The following LGR5 variants were observed in gnomAD, a reference collection of about 807,000 sequenced individuals.
LGR5 encodes the protein leucine rich repeat containing G protein-coupled receptor 5.
A neutral mutation model predicts 76.7 loss-of-function variants in LGR5; 54 were observed. That is an observed-to-expected ratio of 0.70 (90% CI 0.57 to 0.88). The LOEUF is 0.88. Ranked by LOEUF, LGR5 falls within the 40% of genes least tolerant of loss-of-function variation. The pLI is 0.00. For synonymous variants in LGR5, 406 were observed against 421.9 expected (o/e 0.96, Z 0.46); for missense variants, 1,078 against 1,073.3 (o/e 1.00, Z -0.06).
intron 1 of LGR5, among the ~76,000 whole-genome samples, chr12:71,458,005 G>A (rs1872553123): frequency 6.6e-6 from 1 of 152,098 alleles, no homozygotes; most frequent in Non-Finnish European, 1.5e-5. Flanking sequence ...ACCAACTTCA[G>A]TAGTGCCGCC....
chr12:71,467,401 G>A (rs982845331), intron 1 of LGR5, among the ~76,000 whole-genome samples: 1 of 152,090 alleles, frequency 6.6e-6, no homozygotes. Context: ...GAAGAACTGG[G>A]GACATAATAA....
At chr12:71,581,892 G>A (rs979053102) in intron 16 of LGR5, among the ~76,000 whole-genome samples, 2 of 152,170 alleles carry the variant, frequency 1.3e-5, no homozygotes, top group African/African-American at 4.8e-5. Flanking sequence ...ATTCCCACAT[G>A]AGACCAATTA....
intron 2 of LGR5, among the ~76,000 whole-genome samples, chr12:71,520,971 C>T (rs958890840): frequency 1.3e-5 from 2 of 152,096 alleles, no homozygotes; most frequent in Non-Finnish European, 2.9e-5. Context: ...TATTGTTTCA[C>T]GTATATTTTA....
intron 2 of LGR5, among the ~76,000 whole-genome samples, chr12:71,520,184 G>A (rs1875657156): frequency 6.6e-6 from 1 of 152,136 alleles, no homozygotes; most frequent in African/African-American, 2.4e-5. Context: ...TAAACAAAAT[G>A]CAGTATATAC....
intron 1 of LGR5, among the ~76,000 whole-genome samples, chr12:71,486,065 A>G (rs1873812229): frequency 6.6e-6 from 1 of 152,174 alleles, no homozygotes; most frequent in East Asian, 1.9e-4. Flanking sequence ...CGCCAGGCCA[A>G]TTAAGGCTGC....
At chr12:71,495,377 G>A (rs754734289) in intron 1 of LGR5, among the ~76,000 whole-genome samples, 2 of 151,208 alleles carry the variant, frequency 1.3e-5, no homozygotes, top group Non-Finnish European at 2.9e-5. Flanking sequence ...ATTGACTAGA[G>A]TTAAGTTTAA....
At chr12:71,524,076 A>G (rs1875858107) in intron 2 of LGR5, among the ~76,000 whole-genome samples, 3 of 152,218 alleles carry the variant, frequency 2.0e-5, no homozygotes, top group Admixed American at 2.0e-4. Context: ...ACATTTTGAC[A>G]TTACAATTTT....
chr12:71,566,323 TG>T, intron 8 of LGR5, 80 bp from the exon 9 acceptor site: 2 of 854,882 alleles, frequency 2.3e-6, no homozygotes, highest in Non-Finnish European at 3.8e-6. Context: ...GTACATTTAC[TG>T]TATTTGTTCA....
At chr12:71,464,569 C>CA (rs1475276502) in intron 1 of LGR5, among the ~76,000 whole-genome samples, 2 of 151,570 alleles carry the variant, frequency 1.3e-5, no homozygotes, top group East Asian at 1.9e-4. Flanking sequence ...TTGAAAGAGA[C>CA]AAAAAAATGA....
rs1339498740 is a variant in LGR5, at chr12:71,523,776, G to C, written c.285-630G>C. 2.0e-5 allele frequency among the ~76,000 whole-genome samples: 3 copies of C among 152,162 alleles called. No homozygotes were observed. In the East Asian group the frequency reaches 5.8e-4, roughly 29 times the overall value. ...AAAGTAAACTTCTAAAATTTTACCA[G>C]TTAATAATGTCAGAATTTTCCATTA... is the stretch of plus-strand genomic sequence containing the variant. On this transcript the variant is annotated intron_variant, in intron 2 of 17. Coordinates refer to ENST00000266674, the MANE Select transcript of LGR5 (RefSeq NM_003667.4).
At chr12:71,445,362 T>C (rs930686996) in intron 1 of LGR5, among the ~76,000 whole-genome samples, 1 of 152,202 alleles carries the variant, frequency 6.6e-6, no homozygotes, top group Non-Finnish European at 1.5e-5. Context: ...CTAGTCCTGT[T>C]GCTATTTTTG....
chr12:71,577,925 G>A lies in LGR5; in HGVS notation c.1209G>A (p.Leu403=). ...TFQQLLSLRS[L]NLAWNKIAII... is the part of the protein sequence containing the mutation. The stretch of plus-strand genomic sequence containing the variant: ...TCTCATTTGCCTTTTTTTACAATAG[G>A]AATTTGGCTTGGAACAAAATTGCTA... The change falls in exon 14 of 18, where the codon CTG becomes CTA. Residue 403 remains leucine (L), a splice_region_variant and synonymous_variant. Coordinates refer to ENST00000266674, the MANE Select transcript of LGR5 (RefSeq NM_003667.4). 6.2e-7 allele frequency: 1 copy of A among 1,608,580 alleles called. No individual in the cohort carries two copies. The highest frequency in any genetic ancestry group is 1.3e-5 in the African/African-American group (1 of 74,850).
At position 71,580,266 on chromosome 12, in the gene LGR5, G is replaced by A. The variant is rs757773253; in HGVS notation, c.1407-12G>A. 7.6e-6 allele frequency: 12 copies of A among 1,586,770 alleles called. No homozygotes were observed. In the East Asian group the frequency reaches 2.3e-4, roughly 30 times the overall value. ...TTTAAGTGTTTTTTGTTTGGGTTTT[G>A]TTCATTTAAAGGGTTATAGAAATGC... is the stretch of plus-strand genomic sequence containing the variant. On this transcript the variant is annotated splice_polypyrimidine_tract_variant and intron_variant, in intron 15 of 17. Transcript: ENST00000266674.
chr12:71,561,864 T>A lies in LGR5; in HGVS notation c.857+12T>A. On this transcript the variant is annotated intron_variant, in intron 8 of 17. Coordinates refer to ENST00000266674, the MANE Select transcript of LGR5 (RefSeq NM_003667.4). Reference sequence around the variant, plus strand: ...TCTCTTATTACAATGTAAGTGACCATAATGCTTTTCGGTTTCTCCATCCTG... The same window carrying A: ...TCTCTTATTACAATGTAAGTGACCAAAATGCTTTTCGGTTTCTCCATCCTG... 1 of 1,530,546 alleles carries A rather than the reference T, an allele frequency of 6.5e-7. No individual in the cohort carries two copies. Among genetic ancestry groups the A allele is most frequent in the Non-Finnish European group, 9.0e-7 (1 of 1,110,956 alleles). The allele number at this position is 1,530,546 out of a possible 1,614,324, so 94.8% of individuals were successfully genotyped here.
rs142000411 is a variant in LGR5 at position 71,513,913 on chromosome 12, T to C, written c.284+9228T>C. Reference sequence around the variant, plus strand: ...AACAAGATCAAACGATCAATAAATATCAGTTGAGCTCCATACTCTGTGCAT... The same window carrying C: ...AACAAGATCAAACGATCAATAAATACCAGTTGAGCTCCATACTCTGTGCAT... On this transcript the variant is annotated intron_variant, in intron 2 of 17. Coordinates refer to ENST00000266674, the MANE Select transcript of LGR5 (RefSeq NM_003667.4). Among the ~76,000 whole-genome samples the C allele has an allele frequency of 7.5e-3, 1,135 of 152,182 alleles. 12 individuals are homozygous for C. Among genetic ancestry groups the C allele is most frequent in the African/African-American group, 0.025 (1,058 of 41,520 alleles).
intron 4 of LGR5, among the ~76,000 whole-genome samples, chr12:71,537,732 A>G (rs565566772): frequency 1.3e-5 from 2 of 152,252 alleles, no homozygotes; most frequent in East Asian, 3.9e-4. Context: ...ATCATTACAA[A>G]CATGCATTCC....
At position 71,582,506 on chromosome 12, in the gene LGR5, G is replaced by C. The variant is rs1378560579; in HGVS notation, c.1603G>C (p.Ala535Pro). 10 of 1,613,962 alleles carry C rather than the reference G, an allele frequency of 6.2e-6. No homozygotes were observed. Among genetic ancestry groups the C allele is most frequent in the African/African-American group, 2.7e-5 (2 of 74,904 alleles). ...GCTTGACTTTGAGGAAGACCTGAAAGCCCTTCATTCAGTGCAGTGTTCACC... is the reference window on the plus strand; with the variant it reads ...GCTTGACTTTGAGGAAGACCTGAAACCCCTTCATTCAGTGCAGTGTTCACC... ...FLLDFEEDLK[A>P]LHSVQCSPSP... is the part of the protein sequence containing the mutation. Residue 535 changes from alanine (A) to proline (P), a missense_variant, in exon 17 of 18, where the codon GCC (alanine) becomes CCC (proline). Physicochemically the swap from Ala to Pro is conservative, Grantham distance 27. Coordinates refer to ENST00000266674, the MANE Select transcript of LGR5 (RefSeq NM_003667.4).
At chr12:71,579,708 G>A (rs1442582020) in intron 15 of LGR5, among the ~76,000 whole-genome samples, 1 of 152,092 alleles carries the variant, frequency 6.6e-6, no homozygotes, top group Non-Finnish European at 1.5e-5. Context: ...CAGTCACCCT[G>A]TTGTGCTATT....
intron 2 of LGR5, among the ~76,000 whole-genome samples, chr12:71,516,208 C>T (rs10784922): frequency 0.87 from 131,974 of 152,084 alleles, 57,366 homozygotes; most frequent in East Asian, 0.97. Context: ...ATGAAAGAAC[C>T]GTTTCATTTT....
Sources: gnomAD v4.1 joint callset for allele counts (sites outside exome capture counted in the v4.1 genomes callset) on GRCh38, gnomAD v4.1.1 for gene constraint, MANE v1.5 for transcripts, NCBI Gene and HGNC (gene_info 2026-07-23, HGNC 2026-07-21) for gene names.